Variants in CACNA1D observed in about 807,000 individuals in gnomAD.
CACNA1D encodes the protein calcium voltage-gated channel subunit alpha1 D.
Under a neutral mutation model 257.1 loss-of-function variants are expected in CACNA1D, and 55 were observed. The observed-to-expected ratio is 0.21, with a 90% CI of 0.17 to 0.27. The LOEUF (loss-of-function observed/expected upper bound fraction) is 0.27. Among genes scored for constraint, CACNA1D ranks in the 10% least tolerant of loss-of-function variants. The pLI is 1.00. For synonymous variants in CACNA1D, 980 were observed against 1,014.9 expected (o/e 0.97, Z 0.65); for missense variants, 1,876 against 2,784.0 (o/e 0.67, Z 7.34).
At chr3:53,664,084 T>C (rs1278596889) in intron 5 of CACNA1D, among the ~76,000 whole-genome samples, 2 of 152,204 alleles carry the variant, frequency 1.3e-5, no homozygotes, top group South Asian at 2.1e-4. Context: ...TCATTTCTCA[T>C]GTGCCTGTCT....
intron 3 of CACNA1D, among the ~76,000 whole-genome samples, chr3:53,538,446 AG>A (rs2092197030): frequency 1.3e-5 from 2 of 152,202 alleles, no homozygotes; most frequent in African/African-American, 4.8e-5. Context: ...CGTGAGCCAC[AG>A]CGCCTGGCCT....
At chr3:53,799,997 TG>T in intron 40 of CACNA1D, 1 of 548,826 alleles carries the variant, frequency 1.8e-6, no homozygotes, top group Non-Finnish European at 3.3e-6. Flanking sequence ...TCCTTGGAAG[TG>T]GGGGTTTTGC....
chr3:53,718,231 C>T lies in CACNA1D; in HGVS notation c.1391-70C>T, dbSNP rs2094841275. 3.0e-6 allele frequency: 4 copies of T among 1,351,256 alleles called. No homozygotes were observed. The South Asian group carries it at 3.5e-5, about 12-fold the overall frequency. 83.7% of individuals were successfully genotyped at this position (1,351,256 alleles called of 1,614,324 possible). A position where few individuals can be genotyped will look rare whatever the true frequency, so the allele number is the denominator to read the frequency against. Reference sequence around the variant, plus strand: ...GGAGGTCTGCCTGGTGGCAGAGGCTCCCACCTGGCCTGCCTCCCAGGCGTG... The same window carrying T: ...GGAGGTCTGCCTGGTGGCAGAGGCTTCCACCTGGCCTGCCTCCCAGGCGTG... On this transcript the variant is annotated intron_variant, in intron 9 of 47. Coordinates refer to ENST00000350061, the MANE Select transcript of CACNA1D (RefSeq NM_001128840.3).
intron 8 of CACNA1D, among the ~76,000 whole-genome samples, chr3:53,701,421 C>T (rs149192470): frequency 1.3e-3 from 193 of 152,262 alleles, no homozygotes; most frequent in African/African-American, 4.4e-3. Context: ...CGTGAGCCAC[C>T]GTGCCTGGCT....
At chr3:53,674,248 G>A (rs1393366530) in intron 8 of CACNA1D, among the ~76,000 whole-genome samples, 1 of 152,118 alleles carries the variant, frequency 6.6e-6, no homozygotes, top group East Asian at 1.9e-4. Context: ...ATACTTCCAG[G>A]GGAGTTTTAG....
chr3:53,765,288 A>G (rs1163521076), intron 30 of CACNA1D, among the ~76,000 whole-genome samples: 2 of 152,214 alleles, frequency 1.3e-5, no homozygotes, highest in South Asian at 2.1e-4. Flanking sequence ...CTGAGGGGTC[A>G]GCTGTCAGCT....
chr3:53,519,933 CATA>C (rs2091485744), intron 3 of CACNA1D, among the ~76,000 whole-genome samples: 2 of 152,158 alleles, frequency 1.3e-5, no homozygotes, highest in South Asian at 2.1e-4. Context: ...CCTGGCTTAG[CATA>C]ATGTTTTCAA....
chr3:53,644,990 C>T (rs747695155), intron 3 of CACNA1D, among the ~76,000 whole-genome samples: 4 of 152,224 alleles, frequency 2.6e-5, no homozygotes, highest in African/African-American at 4.8e-5. Flanking sequence ...ACACTTATCA[C>T]TTGTCTTTTT....
At chr3:53,497,729 G>C (rs571640208) in intron 2 of CACNA1D, among the ~76,000 whole-genome samples, 1 of 152,282 alleles carries the variant, frequency 6.6e-6, no homozygotes, top group South Asian at 2.1e-4. Flanking sequence ...CACAGGGGCA[G>C]ATAATTAAAA....
At chr3:53,641,331 C>T (rs917058615) in intron 3 of CACNA1D, among the ~76,000 whole-genome samples, 1 of 152,086 alleles carries the variant, frequency 6.6e-6, no homozygotes, top group African/African-American at 2.4e-5. Context: ...CCTCTCCGCC[C>T]CAAAGGAGAC....
intron 3 of CACNA1D, among the ~76,000 whole-genome samples, chr3:53,639,390 CT>C (rs749259940): frequency 2.2e-3 from 324 of 144,256 alleles, no homozygotes; most frequent in Admixed American, 4.2e-3. Flanking sequence ...CTCTCTCTCT[CT>C]TTTTTTTTTT....
intron 3 of CACNA1D, among the ~76,000 whole-genome samples, chr3:53,630,869 G>A (rs778045236): frequency 6.6e-6 from 1 of 152,102 alleles, no homozygotes; most frequent in Non-Finnish European, 1.5e-5. Context: ...TTTGTTTCCC[G>A]GTGCATATGA....
At chr3:53,561,334 A>G (rs760074129) in intron 3 of CACNA1D, among the ~76,000 whole-genome samples, 9 of 152,222 alleles carry the variant, frequency 5.9e-5, no homozygotes, top group Non-Finnish European at 1.0e-4. Context: ...GGACTTACTC[A>G]TGAATTATTG....
At chr3:53,611,154 G>A (rs930139139) in intron 3 of CACNA1D, among the ~76,000 whole-genome samples, 1 of 152,142 alleles carries the variant, frequency 6.6e-6, no homozygotes, top group South Asian at 2.1e-4. Context: ...TGAGGTAGGA[G>A]GATTGCTTGA....
intron 3 of CACNA1D, among the ~76,000 whole-genome samples, chr3:53,567,090 G>A (rs557617992): frequency 6.6e-6 from 1 of 152,274 alleles, no homozygotes; most frequent in South Asian, 2.1e-4. Context: ...CTGTCTTTGA[G>A]TCTTATGGAG....
intron 3 of CACNA1D, among the ~76,000 whole-genome samples, chr3:53,624,323 A>G (rs1272571757): frequency 1.3e-5 from 2 of 152,204 alleles, no homozygotes; most frequent in Admixed American, 6.5e-5. Flanking sequence ...GAACTGATCT[A>G]TGTAGTAATA....
intron 9 of CACNA1D, among the ~76,000 whole-genome samples, chr3:53,716,748 G>A (rs559610669): frequency 3.3e-5 from 5 of 152,240 alleles, no homozygotes; most frequent in South Asian, 2.1e-4. Flanking sequence ...TGACACCCTT[G>A]CCTCAGTGTT....
chr3:53,796,284 T>G (rs1198593565), intron 40 of CACNA1D: 3 of 455,238 alleles, frequency 6.6e-6, no homozygotes, highest in East Asian at 1.4e-4. Context: ...GGGAACAGGC[T>G]CTGCCAGGCA....
chr3:53,803,815 GA>G (rs1389765637), intron 44 of CACNA1D, among the ~76,000 whole-genome samples: 3 of 152,252 alleles, frequency 2.0e-5, no homozygotes, highest in Admixed American at 6.5e-5. Flanking sequence ...GCCTTTTAGT[GA>G]AGGCTTGGGA....
Sources: gnomAD v4.1 joint callset for allele counts (sites outside exome capture counted in the v4.1 genomes callset) on GRCh38, gnomAD v4.1.1 for gene constraint, MANE v1.5 for transcripts, NCBI Gene and HGNC (gene_info 2026-07-23, HGNC 2026-07-21) for gene names.